GKAP1: variants seen among roughly 807,000 people sequenced by gnomAD.
GKAP1 encodes G kinase-anchoring protein 1.
In GKAP1, 31 loss-of-function variants were observed where a neutral mutation model predicts 56.7. That is an observed-to-expected ratio of 0.55 (90% CI 0.41 to 0.74). The LOEUF (loss-of-function observed/expected upper bound fraction) is 0.74, where lower values mean the gene tolerates loss of function less well. Ranked by LOEUF, GKAP1 falls within the 30% of genes least tolerant of loss-of-function variation. The pLI is 0.00. For missense variants in GKAP1, 364 were observed against 402.3 expected, an observed-to-expected ratio of 0.90 and a Z score of 0.82; for synonymous variants, 151 against 138.6, an observed-to-expected ratio of 1.09 and a Z score of -0.63.
At chr9:83,772,027 G>C (rs2131272413) in intron 7 of GKAP1, among the ~76,000 whole-genome samples, 1 of 151,956 alleles carries the variant, frequency 6.6e-6, no homozygotes, top group South Asian at 2.1e-4. Flanking sequence ...TTTTTCAAAA[G>C]ATACTGATAA....
intron 4 of GKAP1, chr9:83,788,956 C>G (rs771546405): frequency 2.2e-5 from 5 of 229,422 alleles, no homozygotes; most frequent in Non-Finnish European, 3.3e-5. Context: ...AAAAATCTTA[C>G]CAAATAATTG....
chr9:83,757,108 G>A (rs1009262809), intron 8 of GKAP1, among the ~76,000 whole-genome samples: 1 of 152,092 alleles, frequency 6.6e-6, no homozygotes, highest in African/African-American at 2.4e-5. Context: ...AATGCTATGG[G>A]GTATAGAAAA....
chr9:83,746,675 CAGAG>C (rs1013058974), intron 10 of GKAP1, among the ~76,000 whole-genome samples: 57 of 151,798 alleles, frequency 3.8e-4, no homozygotes, highest in African/African-American at 1.3e-3. Flanking sequence ...GCCTGGGCAA[CAGAG>C]AAAGACTCCT....
chr9:83,772,645 TAAAAA>T (rs1395613470), intron 7 of GKAP1, among the ~76,000 whole-genome samples: 1 of 151,980 alleles, frequency 6.6e-6, no homozygotes, highest in Non-Finnish European at 1.5e-5. Context: ...AATAAAAAAT[TAAAAA>T]GAAAAGGCAA....
At chr9:83,793,113 A>G (rs1254338313) in intron 4 of GKAP1, 2 of 377,724 alleles carry the variant, frequency 5.3e-6, no homozygotes, top group Non-Finnish European at 8.3e-6. Flanking sequence ...AGGACAGTAA[A>G]TATTTTGGTA....
chr9:83,816,475 T>G (rs1944598901), intron 2 of GKAP1, among the ~76,000 whole-genome samples: 1 of 152,246 alleles, frequency 6.6e-6, no homozygotes, highest in African/African-American at 2.4e-5. Context: ...GGTCAACTTC[T>G]GGGTTTTGCT....
At chr9:83,783,324 T>C (rs547538002) in intron 6 of GKAP1, among the ~76,000 whole-genome samples, 10 of 152,316 alleles carry the variant, frequency 6.6e-5, no homozygotes, top group South Asian at 2.1e-4. Flanking sequence ...AAATTTTCTG[T>C]GATGATAGTA....
chr9:83,784,683 C>A lies in GKAP1; in HGVS notation c.562+32G>T, dbSNP rs113789468. The A allele has an allele frequency of 4.0e-5, 58 of 1,462,914 alleles. 3 individuals carry two copies. The highest frequency in any genetic ancestry group is 3.5e-4 in the African/African-American group (24 of 69,420). 90.6% of individuals were successfully genotyped at this position (1,462,914 alleles called of 1,614,324 possible). ...AGTATAAAACAGATGTAGAATAGTT[C>A]TTTTAGCATAATAGCATTGTATATA... On this transcript the variant is annotated intron_variant, in intron 6 of 12. Coordinates refer to ENST00000376371, the MANE Select transcript of GKAP1 (RefSeq NM_025211.4).
intron 8 of GKAP1, among the ~76,000 whole-genome samples, chr9:83,761,491 A>C (rs756473925): frequency 3.4e-4 from 52 of 152,162 alleles, no homozygotes; most frequent in Non-Finnish European, 5.4e-4. Context: ...CAAACACTTA[A>C]GGAATTAATA....
At chr9:83,799,106 C>T (rs868279016) in intron 4 of GKAP1, 79 bp downstream of exon 4, 35 of 1,200,642 alleles carry the variant, frequency 2.9e-5, no homozygotes, top group South Asian at 2.2e-4. Flanking sequence ...ACAGTGGTGA[C>T]GTGAATTCAG....
intron 12 of GKAP1, among the ~76,000 whole-genome samples, chr9:83,740,011 G>T (rs1228650747): frequency 1.3e-5 from 2 of 151,930 alleles, no homozygotes; most frequent in Non-Finnish European, 1.5e-5. Context: ...TATTTTTTTA[G>T]AACTCATTTT....
At chr9:83,761,936 C>T (rs1943579248) in intron 8 of GKAP1, among the ~76,000 whole-genome samples, 1 of 152,062 alleles carries the variant, frequency 6.6e-6, no homozygotes, top group African/African-American at 2.4e-5. Context: ...ACAAGAAACC[C>T]ACAGCAAGTA....
intron 8 of GKAP1, among the ~76,000 whole-genome samples, chr9:83,757,143 G>A (rs530917926): frequency 7.2e-5 from 11 of 152,224 alleles, no homozygotes; most frequent in Admixed American, 1.3e-4. Flanking sequence ...CAGGTTTTCC[G>A]TGTCTCGGGT....
intron 2 of GKAP1, among the ~76,000 whole-genome samples, chr9:83,813,013 G>A (rs1416285378): frequency 6.6e-6 from 1 of 152,090 alleles, no homozygotes; most frequent in Non-Finnish European, 1.5e-5. Flanking sequence ...AACAAATAGG[G>A]AGACTAGGAA....
intron 8 of GKAP1, among the ~76,000 whole-genome samples, chr9:83,762,087 T>C (rs891984738): frequency 2.6e-5 from 4 of 152,084 alleles, no homozygotes; most frequent in Non-Finnish European, 5.9e-5. Context: ...ATAAAGGGCA[T>C]CTAAATTGGA....
chr9:83,739,762 A>C lies in GKAP1; in HGVS notation c.1054-18T>G, dbSNP rs1433587250. 6.3e-7 allele frequency: 1 copy of C among 1,584,262 alleles called. No individual in the cohort carries two copies. The highest frequency in any genetic ancestry group is 2.2e-5 in the East Asian group (1 of 44,646). ...CTGCCACCCTGTAAAAAAAAAAAAA[A>C]ATAGGGAAAATTATTTACAACATAC... On this transcript the variant is annotated intron_variant, in intron 12 of 12. Transcript: ENST00000376371.
rs150832700 is a variant in GKAP1, at chr9:83,753,081, C to CATAAATAA, written c.840+169_840+176dup. On this transcript the variant is annotated intron_variant, in intron 9 of 12. Transcript: ENST00000376371. ...TCTCAAACAACAACAACAACAACAA[C>CATAAATAA]ATAAATAAATAAATAAATAATCATT... 1.7e-3 allele frequency among the ~76,000 whole-genome samples: 260 copies of CATAAATAA among 149,596 alleles called. 1 individual carries two copies. The highest frequency in any genetic ancestry group is 6.0e-3 in the African/African-American group (242 of 40,648).
At chr9:83,803,928 G>A (rs1224787697) in intron 3 of GKAP1, among the ~76,000 whole-genome samples, 26 of 148,440 alleles carry the variant, frequency 1.8e-4, no homozygotes, top group Middle Eastern at 7.0e-3. Flanking sequence ...TGTGAGGAGC[G>A]CCTCTGCCCG....
intron 7 of GKAP1, among the ~76,000 whole-genome samples, chr9:83,772,435 A>G (rs1178974135): frequency 6.6e-6 from 1 of 152,202 alleles, no homozygotes; most frequent in Non-Finnish European, 1.5e-5. Context: ...CAGACTCTTA[A>G]AGGAAGAACT....
Sources: gnomAD v4.1 joint callset for allele counts (sites outside exome capture counted in the v4.1 genomes callset) on GRCh38, gnomAD v4.1.1 for gene constraint, MANE v1.5 for transcripts, NCBI Gene and HGNC (gene_info 2026-07-23, HGNC 2026-07-21) for gene names.